The following RPS18 variants were observed in gnomAD, a reference collection of about 807,000 sequenced individuals.
The protein encoded by RPS18 is small ribosomal subunit protein uS13.
For missense variants in RPS18, 49 were observed against 200.8 expected (o/e 0.24, Z 4.57); for synonymous variants, 64 against 70.9 (o/e 0.90, Z 0.49).
intron 2 of RPS18, 31 bp downstream of exon 2, chr6:33,272,757 G>C (rs1222315437): frequency 2.8e-6 from 3 of 1,074,686 alleles, no homozygotes; most frequent in Non-Finnish European, 4.4e-6. Context: ...AATAGGGAAT[G>C]TAAATGAGAA....
intron 2 of RPS18, among the ~76,000 whole-genome samples, chr6:33,274,005 C>T (rs1006987894): frequency 6.6e-6 from 1 of 152,184 alleles, no homozygotes; most frequent in Non-Finnish European, 1.5e-5. Flanking sequence ...TCACCCAGGC[C>T]GGAGTGCAAT....
Position 33,272,136 on chromosome 6 carries a change from C to G in RPS18, c.3+14C>G. ...GCTGCAGCCATGGTAAGACTGGAAT[C>G]CGTGCCGTGATCCAGCGGCATCGCA... On this transcript the variant is annotated intron_variant, in intron 1 of 5. Transcript: ENST00000439602. The G allele has an allele frequency of 6.4e-7, 1 of 1,563,140 alleles. No individual in the cohort carries two copies. The highest frequency in any genetic ancestry group is 2.4e-5 in the East Asian group (1 of 42,042).
At chr6:33,273,480 T>C (rs960957086) in intron 2 of RPS18, among the ~76,000 whole-genome samples, 10 of 152,202 alleles carry the variant, frequency 6.6e-5, no homozygotes, top group Admixed American at 3.3e-4. Flanking sequence ...TCTTGGCTTC[T>C]GTTGCATGGT....
intron 2 of RPS18, among the ~76,000 whole-genome samples, chr6:33,274,711 G>A (rs963538618): frequency 1.3e-5 from 2 of 151,612 alleles, no homozygotes; most frequent in African/African-American, 4.9e-5. Context: ...GGTCCTCTTC[G>A]TGTCTCTCTC....
At chr6:33,276,095 A>T (rs1248949238) in intron 4 of RPS18, 29 bp downstream of exon 4, 1 of 1,608,062 alleles carries the variant, frequency 6.2e-7, no homozygotes, top group Non-Finnish European at 8.5e-7. Context: ...GCAGGATTAG[A>T]GGAAGGGTGG....
intron 2 of RPS18, chr6:33,275,569 T>G: frequency 1.8e-6 from 1 of 568,324 alleles, no homozygotes; most frequent in Non-Finnish European, 3.2e-6. Context: ...TCTGCCCACT[T>G]GGGCCTCCCA....
chr6:33,276,375 C>T lies in RPS18; in HGVS notation c.384-16C>T. 1 of 1,613,794 alleles carries T rather than the reference C, an allele frequency of 6.2e-7. No individual in the cohort carries two copies. The highest frequency in any genetic ancestry group is 8.5e-7 in the Non-Finnish European group (1 of 1,179,718). On this transcript the variant is annotated splice_polypyrimidine_tract_variant and intron_variant, in intron 5 of 5. Transcript: ENST00000439602. Reference sequence around the variant, plus strand: ...CTGCTGTGCATGACCTGTGACTCTTCTCTTTTTACCTGCAGCCTTCGTGTC... The same window carrying T: ...CTGCTGTGCATGACCTGTGACTCTTTTCTTTTTACCTGCAGCCTTCGTGTC...
intron 2 of RPS18, among the ~76,000 whole-genome samples, chr6:33,273,397 A>G (rs113875080): frequency 0.039 from 5,927 of 151,398 alleles, 191 homozygotes; most frequent in African/African-American, 0.087. Flanking sequence ...TTTTTCCCTT[A>G]AGTCAGAATG....
rs1247216839 is a variant in RPS18 at position 33,272,129 on chromosome 6, C to T, written c.3+7C>T. Reference sequence around the variant, plus strand: ...CGCTTGTGCTGCAGCCATGGTAAGACTGGAATCCGTGCCGTGATCCAGCGG... The same window carrying T: ...CGCTTGTGCTGCAGCCATGGTAAGATTGGAATCCGTGCCGTGATCCAGCGG... On this transcript the variant is annotated splice_region_variant and intron_variant, in intron 1 of 5. Transcript: ENST00000439602. 3 of 1,565,460 alleles carry T rather than the reference C, an allele frequency of 1.9e-6. No homozygotes were observed. The highest frequency in any genetic ancestry group is 1.9e-5 in the Admixed American group (1 of 53,208).
At chr6:33,273,920 T>A (rs1765459014) in intron 2 of RPS18, among the ~76,000 whole-genome samples, 1 of 151,720 alleles carries the variant, frequency 6.6e-6, no homozygotes, top group South Asian at 2.1e-4. Flanking sequence ...AAGACCCTGC[T>A]CTCTTCTGAA....
In RPS18 at chr6:33,272,076, T is replaced by C. The variant is rs373498897; in HGVS notation, c.-44T>C. 87 of 1,559,690 alleles carry C rather than the reference T, an allele frequency of 5.6e-5. No individual in the cohort carries two copies. Among genetic ancestry groups the C allele is most frequent in the Non-Finnish European group, 7.3e-5 (84 of 1,151,532 alleles). ...TAATGATATCGCGTCACTTCCGCTC[T>C]CTCTTCCACAGGAGGCCTACACGCC... is the stretch of plus-strand genomic sequence containing the variant. On this transcript the variant is annotated 5_prime_UTR_variant, in exon 1 of 6. Transcript: ENST00000439602.
At chr6:33,273,748 C>T (rs1765436845) in intron 2 of RPS18, among the ~76,000 whole-genome samples, 1 of 152,084 alleles carries the variant, frequency 6.6e-6, no homozygotes. Context: ...CTTCCCACAC[C>T]CATTTTGAAG....
rs767599494 is a variant in RPS18 at position 33,276,070 on chromosome 6, T to C, written c.291+4T>C. 3 of 1,611,988 alleles carry C rather than the reference T, an allele frequency of 1.9e-6. No homozygotes were observed. Among genetic ancestry groups the C allele is most frequent in the Non-Finnish European group, 2.5e-6 (3 of 1,178,172 alleles). ...AAAGGATGGAAAATACAGCCAGGTG[T>C]GTACTGAAATGAGGGCAGGATTAGA... On this transcript the variant is annotated splice_donor_region_variant and intron_variant, in intron 4 of 5. Coordinates refer to ENST00000439602, the MANE Select transcript of RPS18 (RefSeq NM_022551.3).
At chr6:33,274,792 C>T (rs1438165909) in intron 2 of RPS18, among the ~76,000 whole-genome samples, 2 of 152,104 alleles carry the variant, frequency 1.3e-5, no homozygotes, top group East Asian at 3.8e-4. Context: ...ATTTCCGTAA[C>T]GACCTTATTT....
At chr6:33,272,601 T>A (rs1260750776) in intron 1 of RPS18, 27 bp from the exon 2 acceptor site, 3 of 977,474 alleles carry the variant, frequency 3.1e-6, no homozygotes, top group Non-Finnish European at 5.0e-6. Context: ...CTGTGTCTGA[T>A]TTCTTCCCCC....
chr6:33,273,068 A>G (rs768411141), intron 2 of RPS18, among the ~76,000 whole-genome samples: 1 of 152,246 alleles, frequency 6.6e-6, no homozygotes, highest in Non-Finnish European at 1.5e-5. Context: ...TCCCACCATC[A>G]TAACAGCAAC....
chr6:33,273,366 C>G (rs213206), intron 2 of RPS18, among the ~76,000 whole-genome samples: 52,663 of 151,948 alleles, frequency 0.35, 9,492 homozygotes, highest in East Asian at 0.6. Flanking sequence ...TCTTGGCTTT[C>G]TAGATACATA....
chr6:33,272,307 A>G (rs866280707), intron 1 of RPS18, 185 bp downstream of exon 1: 6 of 689,858 alleles, frequency 8.7e-6, no homozygotes, highest in Middle Eastern at 2.5e-4. Flanking sequence ...AGGAAGGGTC[A>G]CTGCTCGGGC....
intron 2 of RPS18, among the ~76,000 whole-genome samples, chr6:33,274,210 A>T: frequency 6.6e-6 from 1 of 152,140 alleles, no homozygotes; most frequent in East Asian, 1.9e-4. Flanking sequence ...GAGCCACTGC[A>T]CCCAGCCACA....
Sources: gnomAD v4.1 joint callset for allele counts (sites outside exome capture counted in the v4.1 genomes callset) on GRCh38, gnomAD v4.1.1 for gene constraint, MANE v1.5 for transcripts, NCBI Gene and HGNC (gene_info 2026-07-23, HGNC 2026-07-21) for gene names.